Variants in VPS13B observed in about 807,000 individuals in gnomAD.
VPS13B encodes the protein vacuolar protein sorting 13 homolog B.
In VPS13B, 285 loss-of-function variants were observed where a neutral mutation model predicts 426.4. That is an observed-to-expected ratio of 0.67 (90% CI 0.61 to 0.74). VPS13B has a LOEUF of 0.74. Among genes scored for constraint, VPS13B ranks in the 30% least tolerant of loss-of-function variants. The probability of loss-of-function intolerance (pLI) is 0.00; values close to 1 mark genes in which losing one functional copy is unlikely to be tolerated. For missense variants in VPS13B, 4,537 were observed against 4,782.6 expected, an observed-to-expected ratio of 0.95 and a Z score of 1.51; for synonymous variants, 1,676 against 1,676.4, an observed-to-expected ratio of 1.00 and a Z score of 0.01.
In VPS13B at chr8:99,191,364, G is replaced by GTCTC. The variant is rs199858704; in HGVS notation, c.2334-1502_2334-1499dup. On this transcript the variant is annotated intron_variant, in intron 16 of 61. Coordinates refer to ENST00000357162, the MANE Select transcript of VPS13B (RefSeq NM_152564.5). The stretch of plus-strand genomic sequence containing the variant: ...ATTAAAGCTTTGTTCAGTTATTTTA[G>GTCTC]TCTCTCTCTCTCTTTTTTTTTTTTT... 9.6e-4 allele frequency among the ~76,000 whole-genome samples: 124 copies of GTCTC among 129,778 alleles called. 2 individuals are homozygous for GTCTC. The highest frequency in any genetic ancestry group is 3.6e-3 in the African/African-American group (122 of 33,716). The allele number at this position is 129,778 out of a possible 152,430, so 85.1% of individuals were successfully genotyped here. A position where few individuals can be genotyped will look rare whatever the true frequency, so the allele number is the denominator to read the frequency against.
chr8:99,651,142 AT>A (rs1452979144), intron 34 of VPS13B, among the ~76,000 whole-genome samples: 2 of 152,168 alleles, frequency 1.3e-5, no homozygotes, highest in African/African-American at 4.8e-5. Context: ...AAACATATAC[AT>A]TTAAAAACGT....
chr8:99,734,542 T>C (rs1223823838), intron 39 of VPS13B, among the ~76,000 whole-genome samples: 1 of 152,182 alleles, frequency 6.6e-6, no homozygotes, highest in Non-Finnish European at 1.5e-5. Flanking sequence ...GTGTGAAAAG[T>C]AGACTTAAAG....
At chr8:99,397,185 G>A (rs1437054507) in intron 21 of VPS13B, among the ~76,000 whole-genome samples, 9 of 151,888 alleles carry the variant, frequency 5.9e-5, no homozygotes, top group East Asian at 3.9e-4. Context: ...TCACTCTGTC[G>A]CCCAGGCTGG....
chr8:99,870,314 A>G (rs1354554361), intron 59 of VPS13B, among the ~76,000 whole-genome samples: 1 of 152,068 alleles, frequency 6.6e-6, no homozygotes, highest in Admixed American at 6.5e-5. Context: ...GACTACAGGC[A>G]TGCACCACTA....
intron 34 of VPS13B, among the ~76,000 whole-genome samples, chr8:99,644,657 A>T (rs1829508373): frequency 6.6e-6 from 1 of 152,178 alleles, no homozygotes; most frequent in African/African-American, 2.4e-5. Flanking sequence ...CTTTCCCTAC[A>T]CAGAATGCAT....
At chr8:99,655,783 A>G (rs1830000403) in intron 34 of VPS13B, among the ~76,000 whole-genome samples, 1 of 152,216 alleles carries the variant, frequency 6.6e-6, no homozygotes, top group South Asian at 2.1e-4. Flanking sequence ...TCAGAGTTTC[A>G]TTTTGAGTTG....
At chr8:99,874,247 C>T (rs1260229719) in intron 61 of VPS13B, among the ~76,000 whole-genome samples, 2 of 152,174 alleles carry the variant, frequency 1.3e-5, no homozygotes, top group African/African-American at 4.8e-5. Context: ...GTATTCAAAG[C>T]TTTCCAGCTG....
At chr8:99,419,466 C>T (rs1816256476) in intron 21 of VPS13B, among the ~76,000 whole-genome samples, 1 of 152,132 alleles carries the variant, frequency 6.6e-6, no homozygotes, top group Non-Finnish European at 1.5e-5. Flanking sequence ...GCCTTTGACT[C>T]TTTAAAAAAT....
intron 25 of VPS13B, among the ~76,000 whole-genome samples, chr8:99,494,253 A>G (rs1820776575): frequency 6.6e-6 from 1 of 152,044 alleles, no homozygotes; most frequent in African/African-American, 2.4e-5. Context: ...AGTCTCCAGT[A>G]TTTTTTCATC....
At chr8:99,325,591 A>G (rs1011199808) in intron 19 of VPS13B, among the ~76,000 whole-genome samples, 38 of 151,384 alleles carry the variant, frequency 2.5e-4, no homozygotes, top group Non-Finnish European at 5.9e-5. Flanking sequence ...TTATCTGTGT[A>G]TATCTGTGGC....
chr8:99,431,867 T>C (rs755005775), intron 22 of VPS13B, among the ~76,000 whole-genome samples: 5 of 152,142 alleles, frequency 3.3e-5, no homozygotes, highest in African/African-American at 4.8e-5. Context: ...CTTATAGTTA[T>C]AAAAATTTAC....
chr8:99,670,156 G>T (rs1189947175), intron 35 of VPS13B, among the ~76,000 whole-genome samples: 1 of 151,978 alleles, frequency 6.6e-6, no homozygotes, highest in Non-Finnish European at 1.5e-5. Flanking sequence ...ACTCAGTGGG[G>T]ATTAACTCAG....
intron 19 of VPS13B, among the ~76,000 whole-genome samples, chr8:99,305,320 A>G (rs964794879): frequency 6.6e-6 from 1 of 152,170 alleles, no homozygotes; most frequent in Non-Finnish European, 1.5e-5. Flanking sequence ...TAAAAATAAT[A>G]CAAATAAAAA....
At chr8:99,389,376 A>G (rs1041341925) in intron 20 of VPS13B, among the ~76,000 whole-genome samples, 1 of 152,118 alleles carries the variant, frequency 6.6e-6, no homozygotes, top group African/African-American at 2.4e-5. Flanking sequence ...TGACCCTAGA[A>G]ACAATGCAAG....
At position 99,863,874 on chromosome 8, in the gene VPS13B, C is replaced by T. The variant is rs187957476; in HGVS notation, c.11215+1928C>T. Among the ~76,000 whole-genome samples the T allele has an allele frequency of 1.9e-3, 289 of 152,274 alleles. 5 individuals carry two copies. The East Asian group carries it at 0.029, about 15-fold the overall frequency. ...TTAATTCTTGGGGTAACATAAGCCT[C>T]CTCTGTAGATGCTGGCTGCACCTGC... On this transcript the variant is annotated intron_variant, in intron 58 of 61. Transcript: ENST00000357162.
At chr8:99,797,463 C>G (rs1276679881) in intron 43 of VPS13B, among the ~76,000 whole-genome samples, 1 of 152,086 alleles carries the variant, frequency 6.6e-6, no homozygotes, top group Non-Finnish European at 1.5e-5. Flanking sequence ...GATTTAAAAT[C>G]TTAATAATAA....
intron 33 of VPS13B, among the ~76,000 whole-genome samples, chr8:99,627,327 C>CA (rs941468978): frequency 9.2e-4 from 139 of 151,436 alleles, no homozygotes; most frequent in African/African-American, 3.2e-3. Context: ...GACCCTGTCT[C>CA]AAAAAAAAGA....
intron 23 of VPS13B, among the ~76,000 whole-genome samples, chr8:99,454,526 C>T (rs1028286492): frequency 6.6e-6 from 1 of 152,148 alleles, no homozygotes; most frequent in African/African-American, 2.4e-5. Flanking sequence ...AGAGTTTATC[C>T]ATTCATGTGT....
chr8:99,794,044 G>A (rs1388449329), intron 43 of VPS13B, among the ~76,000 whole-genome samples: 3 of 152,210 alleles, frequency 2.0e-5, no homozygotes, highest in African/African-American at 7.2e-5. Flanking sequence ...AAGATAGCTT[G>A]AGGCCAGGTA....
Sources: allele counts gnomAD v4.1 joint callset (sites outside exome capture counted in the v4.1 genomes callset), GRCh38; gene constraint gnomAD v4.1.1; transcripts MANE v1.5; gene names NCBI Gene and HGNC (gene_info 2026-07-23, HGNC 2026-07-21).